The following AMPH variants were observed in gnomAD, a reference collection of about 807,000 sequenced individuals.
The protein encoded by AMPH is amphiphysin (Stiff-Mann syndrome with breast cancer 128kD autoantigen).
In AMPH, 49 loss-of-function variants were observed where a neutral mutation model predicts 99.1. The ratio of observed to expected loss-of-function variants is 0.49; its 90% confidence interval spans 0.39 to 0.63. The LOEUF is 0.63. AMPH is among the 20% of genes least tolerant of loss of function. The pLI, the probability that AMPH is intolerant of heterozygous loss-of-function variation, is 0.00. For synonymous variants in AMPH, 314 were observed against 317.3 expected (o/e 0.99, Z 0.11); for missense variants, 759 against 863.4 (o/e 0.88, Z 1.52).
At chr7:38,579,229 T>A (rs1792357771) in intron 1 of AMPH, among the ~76,000 whole-genome samples, 1 of 152,174 alleles carries the variant, frequency 6.6e-6, no homozygotes, top group African/African-American at 2.4e-5. Context: ...TGTTCTGTAG[T>A]GTGCAGTGTC....
intron 1 of AMPH, among the ~76,000 whole-genome samples, chr7:38,535,827 G>A (rs553619505): frequency 2.6e-5 from 4 of 152,270 alleles, no homozygotes; most frequent in South Asian, 2.1e-4. Flanking sequence ...GGCGGAGCTC[G>A]GGTGGTAATG....
At chr7:38,425,013 T>C (rs140591726) in intron 15 of AMPH, among the ~76,000 whole-genome samples, 206 of 152,352 alleles carry the variant, frequency 1.4e-3, no homozygotes, top group Non-Finnish European at 2.2e-3. Context: ...TCGAATATAA[T>C]ACCCAAACTA....
chr7:38,552,286 T>C (rs2129046311), intron 1 of AMPH, among the ~76,000 whole-genome samples: 1 of 152,296 alleles, frequency 6.6e-6, no homozygotes, highest in Non-Finnish European at 1.5e-5. Context: ...GAAACAGAGC[T>C]CCTTGGCCTG....
At chr7:38,565,383 A>C (rs1208077540) in intron 1 of AMPH, among the ~76,000 whole-genome samples, 7 of 152,102 alleles carry the variant, frequency 4.6e-5, no homozygotes, top group Non-Finnish European at 1.0e-4. Flanking sequence ...AGTTCTGCAG[A>C]CTGGAAGTCT....
At chr7:38,551,380 T>C (rs1258837783) in intron 1 of AMPH, among the ~76,000 whole-genome samples, 11 of 152,204 alleles carry the variant, frequency 7.2e-5, no homozygotes, top group African/African-American at 2.7e-4. Flanking sequence ...TCTGATCATC[T>C]GCAAATAGGA....
intron 1 of AMPH, among the ~76,000 whole-genome samples, chr7:38,594,648 G>A (rs1201122208): frequency 6.6e-6 from 1 of 152,016 alleles, no homozygotes; most frequent in Non-Finnish European, 1.5e-5. Context: ...AGCCAAGCCA[G>A]TATTACCACA....
At chr7:38,536,414 G>A (rs1049231746) in intron 1 of AMPH, among the ~76,000 whole-genome samples, 1 of 152,102 alleles carries the variant, frequency 6.6e-6, no homozygotes, top group African/African-American at 2.4e-5. Flanking sequence ...AAGTATCAAA[G>A]TAGTTACCCA....
At chr7:38,597,010 A>G (rs1169638961) in intron 1 of AMPH, among the ~76,000 whole-genome samples, 1 of 152,218 alleles carries the variant, frequency 6.6e-6, no homozygotes, top group Non-Finnish European at 1.5e-5. Flanking sequence ...CAATGCAACA[A>G]ATAGTCATTG....
At chr7:38,396,223 G>A (rs969003830) in intron 17 of AMPH, among the ~76,000 whole-genome samples, 1 of 152,198 alleles carries the variant, frequency 6.6e-6, no homozygotes, top group Non-Finnish European at 1.5e-5. Flanking sequence ...CCCATGTGTT[G>A]TGGGAGGGAC....
intron 1 of AMPH, among the ~76,000 whole-genome samples, chr7:38,546,374 C>T (rs184728662): frequency 5.0e-4 from 76 of 152,276 alleles, no homozygotes; most frequent in African/African-American, 1.6e-3. Context: ...CCACTTTACA[C>T]AGCTGTTTTA....
intron 17 of AMPH, among the ~76,000 whole-genome samples, chr7:38,415,271 A>C (rs1021447544): frequency 2.6e-5 from 4 of 152,218 alleles, no homozygotes; most frequent in Non-Finnish European, 5.9e-5. Flanking sequence ...AACAAAAAAA[A>C]CCAGAACAAT....
At chr7:38,507,492 A>G (rs1789370925) in intron 2 of AMPH, among the ~76,000 whole-genome samples, 1 of 152,236 alleles carries the variant, frequency 6.6e-6, no homozygotes, top group South Asian at 2.1e-4. Context: ...ACAATATGCC[A>G]TAAAGTAGTT....
chr7:38,626,822 A>G (rs761421911), intron 1 of AMPH, among the ~76,000 whole-genome samples: 1 of 152,210 alleles, frequency 6.6e-6, no homozygotes, highest in Non-Finnish European at 1.5e-5. Context: ...ACTTAAGCAA[A>G]TTTACAAGAA....
In AMPH at chr7:38,398,182, C is replaced by CAAA. The variant is rs33972156; in HGVS notation, c.1399-3971_1399-3969dup. On this transcript the variant is annotated intron_variant, in intron 17 of 20. Coordinates refer to ENST00000356264, the MANE Select transcript of AMPH (RefSeq NM_001635.4). ...GCAATCCCACTGCTAGGTATATACTCAAAAAAAAAAAAACAAAAAAAAAAG... is the reference window on the plus strand; with the variant it reads ...GCAATCCCACTGCTAGGTATATACTCAAAAAAAAAAAAAAAACAAAAAAAAAAG... 3.5e-3 allele frequency among the ~76,000 whole-genome samples: 401 copies of CAAA among 114,722 alleles called. 3 individuals are homozygous for CAAA. Among genetic ancestry groups the CAAA allele is most frequent in the Admixed American group, 0.023 (250 of 10,858 alleles). The allele number at this position is 114,722 out of a possible 152,430, so 75.3% of individuals were successfully genotyped here.
intron 1 of AMPH, among the ~76,000 whole-genome samples, chr7:38,630,345 G>C (rs771474200): frequency 3.3e-5 from 5 of 152,162 alleles, no homozygotes; most frequent in Non-Finnish European, 7.4e-5. Context: ...AGTCACCAGG[G>C]AAGCCAGGCA....
chr7:38,451,307 G>GTGTATATACACATATATACACA (rs1280585975), intron 11 of AMPH, among the ~76,000 whole-genome samples: 3 of 149,424 alleles, frequency 2.0e-5, no homozygotes, highest in Non-Finnish European at 2.9e-5. Context: ...ATATATACGT[G>GTGTATATACACATATATACACA]TGTATATACA....
chr7:38,407,266 T>G (rs77658093), intron 17 of AMPH, among the ~76,000 whole-genome samples: 30,958 of 147,278 alleles, frequency 0.21, 3,655 homozygotes, highest in East Asian at 0.41. Context: ...TATCTATCTA[T>G]CTAGCTAGCT....
At chr7:38,492,848 AATT>A (rs1465411838) in intron 4 of AMPH, among the ~76,000 whole-genome samples, 1 of 152,168 alleles carries the variant, frequency 6.6e-6, no homozygotes, top group African/African-American at 2.4e-5. Flanking sequence ...TTTCCTTAAA[AATT>A]ATTTTTTTGT....
intron 1 of AMPH, among the ~76,000 whole-genome samples, chr7:38,579,097 G>A (rs993587410): frequency 6.6e-6 from 1 of 152,178 alleles, no homozygotes; most frequent in Admixed American, 6.5e-5. Flanking sequence ...TGCCCCAGGA[G>A]TCCCTAGACC....
Sources: allele counts gnomAD v4.1 joint callset (sites outside exome capture counted in the v4.1 genomes callset), GRCh38; gene constraint gnomAD v4.1.1; transcripts MANE v1.5; gene names NCBI Gene and HGNC (gene_info 2026-07-23, HGNC 2026-07-21).